The following EHBP1 variants were observed in gnomAD, a reference collection of about 807,000 sequenced individuals.
EHBP1 encodes the protein EH domain-binding protein 1.
Under a neutral mutation model 144.0 loss-of-function variants are expected in EHBP1, and 55 were observed. The observed-to-expected ratio is 0.38, with a 90% confidence interval of 0.31 to 0.48. EHBP1 has a LOEUF of 0.48. Ranked by LOEUF, EHBP1 falls within the 20% of genes least tolerant of loss-of-function variation. EHBP1 has a pLI of 0.98. For missense variants in EHBP1, 1,200 were observed against 1,364.2 expected (o/e 0.88, Z 1.90); for synonymous variants, 469 against 472.7 (o/e 0.99, Z 0.10).
intron 5 of EHBP1, among the ~76,000 whole-genome samples, chr2:62,778,256 A>T (rs548697951): frequency 6.6e-6 from 1 of 152,244 alleles, no homozygotes; most frequent in East Asian, 1.9e-4. Flanking sequence ...TCCAAGGCAG[A>T]TGGCTGGACC....
At chr2:62,773,328 T>C (rs2041809620) in intron 5 of EHBP1, among the ~76,000 whole-genome samples, 6 of 152,158 alleles carry the variant, frequency 3.9e-5, no homozygotes, top group Admixed American at 3.9e-4. Context: ...GTATTAACTC[T>C]TTTTACCTGC....
intron 21 of EHBP1, chr2:63,043,870 G>A (rs1003478573): frequency 8.3e-6 from 1 of 120,724 alleles, no homozygotes; most frequent in Non-Finnish European, 1.6e-5. Context: ...CTGTTTTTTG[G>A]AAAGTGCATT....
intron 1 of EHBP1, among the ~76,000 whole-genome samples, chr2:62,690,865 C>A (rs910202393): frequency 6.6e-6 from 1 of 152,170 alleles, no homozygotes; most frequent in African/African-American, 2.4e-5. Flanking sequence ...TTGAAACCTG[C>A]AGTGTTTAGA....
intron 1 of EHBP1, among the ~76,000 whole-genome samples, chr2:62,685,261 T>C (rs988538774): frequency 3.3e-5 from 5 of 152,202 alleles, no homozygotes; most frequent in Non-Finnish European, 5.9e-5. Context: ...TATTTATAAA[T>C]TGTAACATCA....
intron 2 of EHBP1, among the ~76,000 whole-genome samples, chr2:62,726,243 T>C (rs1291977383): frequency 6.6e-6 from 1 of 152,208 alleles, no homozygotes; most frequent in African/African-American, 2.4e-5. Context: ...CCCTGCCAAC[T>C]CGAGTGTCCA....
chr2:62,883,844 G>A (rs1573890227), intron 10 of EHBP1, among the ~76,000 whole-genome samples: 1 of 152,114 alleles, frequency 6.6e-6, no homozygotes, highest in Non-Finnish European at 1.5e-5. Flanking sequence ...CATGGCTCAC[G>A]CCTGTATTCC....
At chr2:62,836,154 C>A in intron 7 of EHBP1, among the ~76,000 whole-genome samples, 1 of 152,168 alleles carries the variant, frequency 6.6e-6, no homozygotes, top group Non-Finnish European at 1.5e-5. Context: ...TGAGAACCGG[C>A]AGACTGCCTC....
intron 1 of EHBP1, among the ~76,000 whole-genome samples, chr2:62,681,144 C>T (rs962698127): frequency 1.3e-5 from 2 of 150,972 alleles, no homozygotes; most frequent in African/African-American, 4.9e-5. Context: ...GAAACCCCGT[C>T]TCTACTAAAA....
chr2:63,012,141 G>A (rs1192860803), intron 19 of EHBP1, among the ~76,000 whole-genome samples: 1 of 151,782 alleles, frequency 6.6e-6, no homozygotes, highest in Non-Finnish European at 1.5e-5. Flanking sequence ...AATAAAAGTT[G>A]CATCATTTTA....
At chr2:63,026,243 A>G (rs139687607) in intron 19 of EHBP1, among the ~76,000 whole-genome samples, 242 of 151,576 alleles carry the variant, frequency 1.6e-3, no homozygotes, top group African/African-American at 5.7e-3. Flanking sequence ...CAATAATTCT[A>G]GGAATCAAGA....
At chr2:63,026,294 T>TGTGTG (rs2060971764) in intron 19 of EHBP1, among the ~76,000 whole-genome samples, 4 of 129,024 alleles carry the variant, frequency 3.1e-5, no homozygotes, top group Admixed American at 8.0e-5. Flanking sequence ...GCTCTCTACC[T>TGTGTG]TGTGTGTGTG....
At chr2:62,991,822 T>C (rs867070890) in intron 16 of EHBP1, among the ~76,000 whole-genome samples, 1 of 152,180 alleles carries the variant, frequency 6.6e-6, no homozygotes, top group African/African-American at 2.4e-5. Flanking sequence ...GACACAGAGA[T>C]GCTTTGAAGT....
chr2:62,746,017 G>A (rs1429937784), intron 2 of EHBP1, among the ~76,000 whole-genome samples: 1 of 152,044 alleles, frequency 6.6e-6, no homozygotes, highest in Non-Finnish European at 1.5e-5. Flanking sequence ...TTGAAATTGT[G>A]CTGGAGCTGT....
intron 19 of EHBP1, among the ~76,000 whole-genome samples, chr2:62,999,239 C>T (rs996498733): frequency 6.6e-6 from 1 of 152,146 alleles, no homozygotes; most frequent in Non-Finnish European, 1.5e-5. Flanking sequence ...TTCCCCACTA[C>T]ATCTTCTTTA....
Position 62,905,427 on chromosome 2 carries a change from C to T in EHBP1, c.1185+30895C>T, listed in dbSNP as rs78045831. ...GGATGAACTGAGAACTAGACAGGGA[C>T]TAGACCATGCAATGCCTTTGAAGGC... On this transcript the variant is annotated intron_variant, in intron 10 of 22. Transcript: ENST00000431489. Among the ~76,000 whole-genome samples the T allele has an allele frequency of 2.6e-5, 4 of 152,222 alleles. No individual in the cohort carries two copies. The East Asian group carries it at 7.7e-4, about 29-fold the overall frequency.
At chr2:62,897,562 CTG>C (rs2053041833) in intron 10 of EHBP1, among the ~76,000 whole-genome samples, 1 of 152,126 alleles carries the variant, frequency 6.6e-6, no homozygotes, top group African/African-American at 2.4e-5. Flanking sequence ...TTAAAAAATA[CTG>C]TCTCTTTAGT....
chr2:62,776,620 A>G (rs1347502718), intron 5 of EHBP1, among the ~76,000 whole-genome samples: 1 of 152,204 alleles, frequency 6.6e-6, no homozygotes, highest in African/African-American at 2.4e-5. Flanking sequence ...AACTTGTAAC[A>G]TCTCACTTGG....
chr2:62,953,701 T>G (rs1158932357), intron 13 of EHBP1, among the ~76,000 whole-genome samples: 2 of 152,192 alleles, frequency 1.3e-5, no homozygotes, highest in Non-Finnish European at 2.9e-5. Flanking sequence ...TAATGTTTAT[T>G]TTTTTCTTTT....
intron 19 of EHBP1, 110 bp downstream of exon 19, chr2:62,996,876 C>T (rs2059651129): frequency 1.4e-6 from 2 of 1,478,578 alleles, no homozygotes; most frequent in Non-Finnish European, 1.8e-6. Flanking sequence ...AGCAAAACTG[C>T]CTTGAAAATA....
Sources: gnomAD v4.1 joint callset for allele counts (sites outside exome capture counted in the v4.1 genomes callset) on GRCh38, gnomAD v4.1.1 for gene constraint, MANE v1.5 for transcripts, NCBI Gene and HGNC (gene_info 2026-07-23, HGNC 2026-07-21) for gene names.